The following KATNAL1 variants were observed in gnomAD, a reference collection of about 807,000 sequenced individuals.
KATNAL1 encodes katanin p60 ATPase-containing subunit A-like 1.
KATNAL1 carries 32 observed loss-of-function variants against 55.2 expected under a neutral mutation model. The ratio of observed to expected loss-of-function variants is 0.58; its 90% CI spans 0.44 to 0.78. KATNAL1 has a LOEUF of 0.78. KATNAL1 is among the 30% of genes least tolerant of loss of function. KATNAL1 has a pLI of 0.00. For synonymous variants in KATNAL1, 193 were observed against 193.6 expected (o/e 1.00, Z 0.02); for missense variants, 466 against 600.9 (o/e 0.78, Z 2.35).
chr13:30,235,185 G>A (rs1167883588), intron 6 of KATNAL1, among the ~76,000 whole-genome samples: 1 of 152,180 alleles, frequency 6.6e-6, no homozygotes, highest in Non-Finnish European at 1.5e-5. Context: ...CCTGAGGCTG[G>A]GTAATTTTAA....
chr13:30,274,907 G>GCACGCACACA (rs1187805458), intron 3 of KATNAL1, among the ~76,000 whole-genome samples: 52 of 105,434 alleles, frequency 4.9e-4, no homozygotes, highest in African/African-American at 2.1e-3. Flanking sequence ...GCGCGCGCGC[G>GCACGCACACA]CACACACACA....
chr13:30,225,481 T>C (rs1426560113), intron 9 of KATNAL1, among the ~76,000 whole-genome samples: 1 of 152,176 alleles, frequency 6.6e-6, no homozygotes, highest in Admixed American at 6.5e-5. Flanking sequence ...ACCATATGTG[T>C]GTGTATTTAA....
At chr13:30,222,060 A>G in intron 9 of KATNAL1, among the ~76,000 whole-genome samples, 1 of 152,168 alleles carries the variant, frequency 6.6e-6, no homozygotes, top group Non-Finnish European at 1.5e-5. Flanking sequence ...TCAGAAAGAA[A>G]AAAGAAAAAG....
chr13:30,238,782 T>C (rs1035558895), intron 6 of KATNAL1, among the ~76,000 whole-genome samples: 3 of 152,198 alleles, frequency 2.0e-5, no homozygotes, highest in Admixed American at 1.3e-4. Context: ...TCAGGGACTA[T>C]GTCTTGAAAA....
At chr13:30,214,676 G>T (rs11616827) in intron 9 of KATNAL1, among the ~76,000 whole-genome samples, 1 of 151,998 alleles carries the variant, frequency 6.6e-6, no homozygotes, top group Admixed American at 6.5e-5. Flanking sequence ...ATGGGGAAAG[G>T]ATTCCCTATT....
chr13:30,271,894 A>C (rs945807849), intron 3 of KATNAL1, among the ~76,000 whole-genome samples: 2 of 151,150 alleles, frequency 1.3e-5, no homozygotes. Context: ...AAAAAAAAAA[A>C]AAAAAACAGA....
At chr13:30,275,344 C>T (rs1253737128) in intron 3 of KATNAL1, among the ~76,000 whole-genome samples, 1 of 152,186 alleles carries the variant, frequency 6.6e-6, no homozygotes, top group Non-Finnish European at 1.5e-5. Flanking sequence ...TGAGCAAGAA[C>T]TCATTCATTA....
rs367602705 is a variant in KATNAL1, at chr13:30,259,899, T to C, written c.324-4284A>G. ...ACTCAAGGAGGCCTGCCTGCCTCTG[T>C]AGGCTCCACCTCTGGGGGCAGGGCA... On this transcript the variant is annotated intron_variant, in intron 3 of 10. Transcript: ENST00000380615. Among the ~76,000 whole-genome samples the C allele has an allele frequency of 2.6e-3, 402 of 152,346 alleles. 1 individual carries two copies. Among genetic ancestry groups the C allele is most frequent in the Admixed American group, 0.015 (229 of 15,302 alleles).
intron 3 of KATNAL1, among the ~76,000 whole-genome samples, chr13:30,270,885 G>A (rs1454553906): frequency 6.8e-6 from 1 of 148,046 alleles, no homozygotes; most frequent in East Asian, 2.0e-4. Context: ...CCCCCTCTGC[G>A]AGAAACACCC....
Position 30,240,852 on chromosome 13 carries a change from T to C in KATNAL1, c.620+107A>G, listed in dbSNP as rs1400784992. ...CAATTCTATACTTTCATATTATAGA[T>C]GTGGTCATAATCAGATTAATGAATA... On this transcript the variant is annotated intron_variant, in intron 5 of 10. Transcript: ENST00000380615. 5 of 986,312 alleles carry C rather than the reference T, an allele frequency of 5.1e-6. No individual in the cohort carries two copies. The African/African-American group carries it at 6.5e-5, about 13-fold the overall frequency. 61.1% of individuals were successfully genotyped at this position (986,312 alleles called of 1,614,324 possible).
chr13:30,304,490 G>C (rs142696776), intron 1 of KATNAL1, among the ~76,000 whole-genome samples: 1 of 152,140 alleles, frequency 6.6e-6, no homozygotes, highest in African/African-American at 2.4e-5. Flanking sequence ...GGATGGTCTC[G>C]ATCTCTTGAT....
intron 3 of KATNAL1, among the ~76,000 whole-genome samples, chr13:30,274,904 C>CGT (rs1251157768): frequency 4.7e-5 from 4 of 85,202 alleles, no homozygotes; most frequent in East Asian, 2.6e-4. Context: ...CGCGCGCGCG[C>CGT]GCGCACACAC....
chr13:30,259,201 A>G (rs1351855940), intron 3 of KATNAL1, among the ~76,000 whole-genome samples: 1 of 152,164 alleles, frequency 6.6e-6, no homozygotes, highest in African/African-American at 2.4e-5. Flanking sequence ...TCAGCTGTAC[A>G]TGGCGGTGGG....
At chr13:30,230,640 C>T (rs746943214) in intron 7 of KATNAL1, 46 bp from the exon 8 acceptor site, 2 of 1,405,238 alleles carry the variant, frequency 1.4e-6, no homozygotes, top group Admixed American at 2.2e-5. Context: ...TCTCATAAAA[C>T]AATTGGAGTA....
intron 4 of KATNAL1, among the ~76,000 whole-genome samples, chr13:30,243,308 T>G (rs1877456651): frequency 6.6e-6 from 1 of 152,164 alleles, no homozygotes; most frequent in Non-Finnish European, 1.5e-5. Context: ...TCAAAGTGAC[T>G]AACCAAATAT....
intron 1 of KATNAL1, among the ~76,000 whole-genome samples, chr13:30,293,776 G>A (rs1022750678): frequency 7.9e-5 from 12 of 152,116 alleles, no homozygotes; most frequent in Admixed American, 7.9e-4. Context: ...GCACTTCGCA[G>A]ACACCATTTT....
chr13:30,274,907 G>GCGCACACACA (rs869107567), intron 3 of KATNAL1, among the ~76,000 whole-genome samples: 159 of 105,426 alleles, frequency 1.5e-3, no homozygotes, highest in Non-Finnish European at 1.9e-3. Context: ...GCGCGCGCGC[G>GCGCACACACA]CACACACACA....
intron 6 of KATNAL1, 118 bp downstream of exon 6, chr13:30,240,342 T>C: frequency 1.5e-6 from 1 of 675,224 alleles, no homozygotes; most frequent in Non-Finnish European, 2.5e-6. Context: ...TGGGTGTACA[T>C]AAACTTCTCC....
Position 30,216,310 on chromosome 13 carries a change from T to C in KATNAL1, c.1148-5868A>G, listed in dbSNP as rs117619306. ...CCCAGCAGAGGGCAGGAAGGAACCA[T>C]GCTGGGAGGGAACACGCTGGGAGCT... On this transcript the variant is annotated intron_variant, in intron 9 of 10. Transcript: ENST00000380615. Among the ~76,000 whole-genome samples the C allele has an allele frequency of 3.9e-5, 6 of 152,252 alleles. No homozygotes were observed. The East Asian group carries it at 7.7e-4, about 20-fold the overall frequency.
Sources: gnomAD v4.1 joint callset for allele counts (sites outside exome capture counted in the v4.1 genomes callset) on GRCh38, gnomAD v4.1.1 for gene constraint, MANE v1.5 for transcripts, NCBI Gene and HGNC (gene_info 2026-07-23, HGNC 2026-07-21) for gene names.